Variants in TAS2R1 observed in about 807,000 individuals in gnomAD.
TAS2R1 encodes the protein taste 2 receptor member 1, also known as taste receptor type 2 member 1.
For missense variants in TAS2R1, 370 were observed against 353.4 expected, an observed-to-expected ratio of 1.05 and a Z score of -0.38; for synonymous variants, 141 against 134.2, an observed-to-expected ratio of 1.05 and a Z score of -0.35.
At chr5:9,697,940 G>GAA (rs746837817) in intron 1 of TAS2R1, among the ~76,000 whole-genome samples, 1 of 144,228 alleles carries the variant, frequency 6.9e-6, no homozygotes. Context: ...AGCAACTGCA[G>GAA]AAAAAAAAAA....
At chr5:9,891,305 C>A in the TAS2R1 span, among the ~76,000 whole-genome samples, 1 of 152,086 alleles carries the variant, frequency 6.6e-6, no homozygotes, top group Non-Finnish European at 1.5e-5. Context: ...CAATGCCAAT[C>A]TCTCATTTCA....
the TAS2R1 span, among the ~76,000 whole-genome samples, chr5:9,774,410 C>T: frequency 9.9e-5 from 15 of 152,228 alleles, no homozygotes; most frequent in South Asian, 2.1e-3. Context: ...TCTGTTTCTC[C>T]ATGATTGATC....
intron 1 of TAS2R1, among the ~76,000 whole-genome samples, chr5:9,674,547 A>G (rs1021967780): frequency 1.3e-5 from 2 of 152,192 alleles, no homozygotes; most frequent in African/African-American, 4.8e-5. Context: ...GCTTCTGTTC[A>G]TCATCCATAT....
At chr5:9,809,155 T>G in the TAS2R1 span, among the ~76,000 whole-genome samples, 4 of 152,198 alleles carry the variant, frequency 2.6e-5, no homozygotes, top group African/African-American at 9.6e-5. Context: ...TTCTGTCTCA[T>G]GACGAAGCAT....
At chr5:9,672,242 A>G (rs188132854) in intron 1 of TAS2R1, among the ~76,000 whole-genome samples, 38 of 152,340 alleles carry the variant, frequency 2.5e-4, no homozygotes, top group Admixed American at 7.2e-4. Context: ...CAAAGGTTTC[A>G]TGATGAAGAT....
intron 1 of TAS2R1, among the ~76,000 whole-genome samples, chr5:9,661,036 A>T (rs1191751177): frequency 6.6e-6 from 1 of 152,216 alleles, no homozygotes; most frequent in East Asian, 1.9e-4. Flanking sequence ...CACTGCCAAC[A>T]TCTTCATTTC....
At chr5:9,693,986 A>T (rs1741307100) in intron 1 of TAS2R1, among the ~76,000 whole-genome samples, 1 of 152,240 alleles carries the variant, frequency 6.6e-6, no homozygotes, top group Non-Finnish European at 1.5e-5. Context: ...CAAAGAAATT[A>T]CAAAAGTAAA....
chr5:9,683,271 G>A (rs1173382817), intron 1 of TAS2R1, among the ~76,000 whole-genome samples: 2 of 152,024 alleles, frequency 1.3e-5, no homozygotes, highest in Non-Finnish European at 2.9e-5. Flanking sequence ...TATTCTATAA[G>A]TTCCCAAGTC....
At chr5:9,765,787 G>T in the TAS2R1 span, 2 of 152,196 alleles carry the variant, frequency 1.3e-5, no homozygotes, top group African/African-American at 4.8e-5. Context: ...TCTATAGCAA[G>T]TTCTCACATC....
chr5:9,673,665 CAG>C (rs1238125065), intron 1 of TAS2R1, among the ~76,000 whole-genome samples: 1 of 151,448 alleles, frequency 6.6e-6, no homozygotes, highest in East Asian at 1.9e-4. Flanking sequence ...AGAATTTATC[CAG>C]AAAAAGGGGA....
chr5:9,748,593 A>T, the TAS2R1 span, among the ~76,000 whole-genome samples: 16 of 152,112 alleles, frequency 1.1e-4, no homozygotes, highest in Non-Finnish European at 2.2e-4. Context: ...TGCAGAGATC[A>T]CATGCCATGA....
the TAS2R1 span, among the ~76,000 whole-genome samples, chr5:9,895,071 A>C: frequency 6.6e-6 from 1 of 152,232 alleles, no homozygotes; most frequent in Admixed American, 6.5e-5. Flanking sequence ...TGAGTAGCCC[A>C]GTGCAGCAAG....
chr5:9,840,071 T>C, the TAS2R1 span, among the ~76,000 whole-genome samples: 1 of 152,198 alleles, frequency 6.6e-6, no homozygotes, highest in East Asian at 1.9e-4. Context: ...CGTTTTGGAC[T>C]CTTGCTCTCC....
chr5:9,776,158 C>G, the TAS2R1 span, among the ~76,000 whole-genome samples: 1 of 152,186 alleles, frequency 6.6e-6, no homozygotes, highest in Non-Finnish European at 1.5e-5. Context: ...TAGGGCTGGT[C>G]TAACTGCTCC....
chr5:9,751,019 C>G, the TAS2R1 span, among the ~76,000 whole-genome samples: 5 of 151,442 alleles, frequency 3.3e-5, no homozygotes, highest in Admixed American at 6.6e-5. Context: ...ACTGGCCAGC[C>G]CAGAAATGAC....
intron 1 of TAS2R1, among the ~76,000 whole-genome samples, chr5:9,676,207 T>C (rs553891511): frequency 6.6e-6 from 1 of 152,298 alleles, no homozygotes; most frequent in Admixed American, 6.5e-5. Flanking sequence ...TCCCACTTGG[T>C]CATGAGTATG....
chr5:9,777,434 C>A, the TAS2R1 span, among the ~76,000 whole-genome samples: 1 of 152,230 alleles, frequency 6.6e-6, no homozygotes, highest in Non-Finnish European at 1.5e-5. Flanking sequence ...AAAGTTTGAT[C>A]ATGACATTGA....
At chr5:9,670,862 C>T (rs1376317205) in intron 1 of TAS2R1, among the ~76,000 whole-genome samples, 1 of 152,088 alleles carries the variant, frequency 6.6e-6, no homozygotes, top group Admixed American at 6.6e-5. Flanking sequence ...AGGTCAATAG[C>T]TTTGATAAAC....
intron 1 of TAS2R1, among the ~76,000 whole-genome samples, chr5:9,688,436 T>G (rs1480615999): frequency 1.3e-5 from 2 of 152,150 alleles, no homozygotes; most frequent in Non-Finnish European, 2.9e-5. Flanking sequence ...CAGGTAAGGC[T>G]GGTGTCTACA....
Sources: allele counts gnomAD v4.1 joint callset (sites outside exome capture counted in the v4.1 genomes callset), GRCh38; gene constraint gnomAD v4.1.1; transcripts MANE v1.5; gene names NCBI Gene and HGNC (gene_info 2026-07-23, HGNC 2026-07-21).